The following MET variants were observed in gnomAD, a reference collection of about 807,000 sequenced individuals.
MET encodes the protein hepatocyte growth factor receptor.
A neutral mutation model predicts 133.1 loss-of-function variants in MET; 48 were observed. The observed-to-expected ratio is 0.36, with a 90% confidence interval of 0.29 to 0.46. MET has a LOEUF of 0.46. Among genes scored for constraint, MET ranks in the 20% least tolerant of loss-of-function variants. The pLI is 1.00. For synonymous variants in MET, 628 were observed against 616.5 expected, an observed-to-expected ratio of 1.02 and a Z score of -0.28; for missense variants, 1,442 against 1,695.9, an observed-to-expected ratio of 0.85 and a Z score of 2.63.
At chr7:116,735,054 G>A (rs189603147) in intron 3 of MET, among the ~76,000 whole-genome samples, 102 of 152,198 alleles carry the variant, frequency 6.7e-4, no homozygotes, top group African/African-American at 2.2e-3. Flanking sequence ...GATGCGAGAG[G>A]GGGTGGGGAG....
intron 1 of MET, among the ~76,000 whole-genome samples, chr7:116,693,892 A>T (rs1175879164): frequency 6.6e-6 from 1 of 152,252 alleles, no homozygotes; most frequent in East Asian, 1.9e-4. Flanking sequence ...ATTTACATGC[A>T]TTAACTTATT....
Position 116,771,580 on chromosome 7 carries a change from T to C in MET, c.2813T>C (p.Val938Ala), listed in dbSNP as rs1554398288. The part of the protein sequence containing the change: ...DQNFTGLIAG[V>A]VSISTALLLL... ...AATTTCACAGGATTGATTGCTGGTG[T>C]TGTCTCAATATCAACAGCACTGTTA... is the stretch of plus-strand genomic sequence containing the variant. Residue 938 changes from valine (V) to alanine (A), a missense_variant, in exon 13 of 21, where the codon GTT (valine) becomes GCT (alanine). Val to Ala is a moderately conservative substitution (Grantham distance 64, BLOSUM62 0). Transcript: ENST00000397752. 23 of 1,613,900 alleles carry C rather than the reference T, an allele frequency of 1.4e-5. No homozygotes were observed. The highest frequency in any genetic ancestry group is 3.3e-5 in the South Asian group (3 of 91,076).
At chr7:116,788,986 C>G (rs1415033985) in intron 19 of MET, among the ~76,000 whole-genome samples, 2 of 152,206 alleles carry the variant, frequency 1.3e-5, no homozygotes, top group African/African-American at 4.8e-5. Flanking sequence ...CGTTGTTTCA[C>G]ACTTAATACA....
chr7:116,718,136 C>T (rs1792318199), intron 2 of MET, among the ~76,000 whole-genome samples: 1 of 152,146 alleles, frequency 6.6e-6, no homozygotes, highest in Non-Finnish European at 1.5e-5. Context: ...CACCTGTAAT[C>T]CCAGCACTTT....
chr7:116,684,957 G>A (rs543505292), intron 1 of MET, among the ~76,000 whole-genome samples: 5 of 152,174 alleles, frequency 3.3e-5, no homozygotes, highest in Non-Finnish European at 7.4e-5. Context: ...AAGTGACACT[G>A]CCCTGACCAT....
chr7:116,738,487 T>C (rs1484539884), intron 3 of MET, among the ~76,000 whole-genome samples: 1 of 152,164 alleles, frequency 6.6e-6, no homozygotes, highest in East Asian at 1.9e-4. Flanking sequence ...ATAACAATAG[T>C]TTCCAACCTT....
intron 2 of MET, among the ~76,000 whole-genome samples, chr7:116,722,184 A>G (rs1584902717): frequency 6.6e-6 from 1 of 151,994 alleles, no homozygotes; most frequent in East Asian, 1.9e-4. Flanking sequence ...TTGGGTGCAT[A>G]TATATTTAGG....
chr7:116,758,669 G>GA, intron 9 of MET, 49 bp downstream of exon 9: 1 of 1,580,594 alleles, frequency 6.3e-7, no homozygotes, highest in South Asian at 1.1e-5. Context: ...ATACAAGGAT[G>GA]ATTTTGCTGT....
At chr7:116,678,384 G>C (rs1796233636) in intron 1 of MET, among the ~76,000 whole-genome samples, 1 of 151,960 alleles carries the variant, frequency 6.6e-6, no homozygotes, top group South Asian at 2.1e-4. Flanking sequence ...TTAATAGTTG[G>C]AATTCTGAGG....
chr7:116,708,595 A>G (rs527299112), intron 2 of MET, among the ~76,000 whole-genome samples: 3 of 152,276 alleles, frequency 2.0e-5, no homozygotes, highest in Non-Finnish European at 4.4e-5. Context: ...ACTTTTTATT[A>G]TGTGGTTCTT....
intron 14 of MET, among the ~76,000 whole-genome samples, chr7:116,772,685 C>T (rs1794872961): frequency 6.6e-6 from 1 of 152,158 alleles, no homozygotes; most frequent in Non-Finnish European, 1.5e-5. Context: ...ACAAGCATTT[C>T]CTTGGTTGAA....
intron 5 of MET, 86 bp from the exon 6 acceptor site, chr7:116,755,269 A>T (rs1362506145): frequency 1.4e-6 from 2 of 1,421,114 alleles, no homozygotes; most frequent in Non-Finnish European, 2.0e-6. Flanking sequence ...CTATTTAAGG[A>T]TATACATTTT....
chr7:116,731,994 G>A (rs1046976549), intron 3 of MET, 135 bp downstream of exon 3: 4 of 831,868 alleles, frequency 4.8e-6, no homozygotes, highest in Non-Finnish European at 8.0e-6. Context: ...CAGACTGAAA[G>A]CCAAACAATG....
intron 2 of MET, among the ~76,000 whole-genome samples, chr7:116,706,440 CATG>C (rs564569484): frequency 6.1e-4 from 93 of 152,224 alleles, no homozygotes; most frequent in African/African-American, 2.2e-3. Context: ...AACTCTGATA[CATG>C]ATATTTTCAT....
At chr7:116,756,145 C>G (rs1326261152) in intron 6 of MET, among the ~76,000 whole-genome samples, 1 of 152,104 alleles carries the variant, frequency 6.6e-6, no homozygotes, top group Non-Finnish European at 1.5e-5. Flanking sequence ...AGAGGTAATC[C>G]AGAGAGTAAG....
chr7:116,751,393 AG>A (rs1440423028), intron 5 of MET, among the ~76,000 whole-genome samples: 1 of 152,142 alleles, frequency 6.6e-6, no homozygotes, highest in Non-Finnish European at 1.5e-5. Flanking sequence ...GGACACAAGG[AG>A]GGAAACATCA....
At chr7:116,687,979 G>A (rs915934010) in intron 1 of MET, among the ~76,000 whole-genome samples, 5 of 152,168 alleles carry the variant, frequency 3.3e-5, no homozygotes, top group East Asian at 1.9e-4. Flanking sequence ...ATCTGCTTTC[G>A]ATAACAGCAG....
intron 5 of MET, among the ~76,000 whole-genome samples, chr7:116,741,618 C>T (rs1294784258): frequency 6.6e-6 from 1 of 152,140 alleles, no homozygotes; most frequent in Admixed American, 6.5e-5. Flanking sequence ...AAGATTATTT[C>T]CCGGGGTGAG....
intron 2 of MET, among the ~76,000 whole-genome samples, chr7:116,718,288 C>T (rs906227434): frequency 2.6e-5 from 4 of 152,062 alleles, no homozygotes; most frequent in Admixed American, 2.6e-4. Context: ...ATTCAGGAGG[C>T]TGAAGCAGGG....
Sources: gnomAD v4.1 joint callset for allele counts (sites outside exome capture counted in the v4.1 genomes callset) on GRCh38, gnomAD v4.1.1 for gene constraint, MANE v1.5 for transcripts, NCBI Gene and HGNC (gene_info 2026-07-23, HGNC 2026-07-21) for gene names.